The following IGF1R variants were observed in gnomAD, a reference collection of about 807,000 sequenced individuals.
IGF1R encodes the protein insulin like growth factor 1 receptor, also known as insulin-like growth factor 1 receptor.
In IGF1R, 44 loss-of-function variants were observed where a neutral mutation model predicts 144.6. That is an observed-to-expected ratio of 0.30 (90% CI 0.24 to 0.39). The LOEUF is 0.39. Among genes scored for constraint, IGF1R ranks in the 10% least tolerant of loss-of-function variants. IGF1R has a pLI of 1.00. For synonymous variants in IGF1R, 795 were observed against 722.8 expected (o/e 1.10, Z -1.60); for missense variants, 1,355 against 1,833.7 (o/e 0.74, Z 4.77).
At chr15:98,788,060 CTCTGTGTGTGTGTG>C (rs1194548796) in intron 2 of IGF1R, among the ~76,000 whole-genome samples, 2 of 130,630 alleles carry the variant, frequency 1.5e-5, no homozygotes, top group African/African-American at 6.0e-5. Flanking sequence ...CTCTCTCTCT[CTCTGTGTGTGTGTG>C]TGTGTGTGTG....
intron 2 of IGF1R, among the ~76,000 whole-genome samples, chr15:98,760,196 C>G (rs11247368): frequency 0.6 from 90,278 of 149,838 alleles, 28,647 homozygotes; most frequent in Non-Finnish European, 0.7. Flanking sequence ...AAAAAAAATG[C>G]AAAAACTAGC....
intron 2 of IGF1R, among the ~76,000 whole-genome samples, chr15:98,791,707 T>C (rs2056130613): frequency 1.3e-5 from 2 of 152,244 alleles, no homozygotes; most frequent in African/African-American, 4.8e-5. Context: ...TTTTAGTAAA[T>C]AGAGTTATAG....
At chr15:98,765,288 C>A (rs1391588773) in intron 2 of IGF1R, among the ~76,000 whole-genome samples, 5 of 149,748 alleles carry the variant, frequency 3.3e-5, no homozygotes, top group Non-Finnish European at 7.4e-5. Flanking sequence ...CTCTCTCTCA[C>A]CCAATGATCA....
rs535243231 is a variant in IGF1R at position 98,836,091 on chromosome 15, G to A, written c.641-55234G>A. Among the ~76,000 whole-genome samples the A allele has an allele frequency of 7.9e-5, 12 of 152,136 alleles. 1 individual carries two copies. Among genetic ancestry groups the A allele is most frequent in the East Asian group, 7.7e-4 (4 of 5,190 alleles). The stretch of plus-strand genomic sequence containing the variant: ...AGTGGTAGCGACAATTATGAAATTC[G>A]TCCAGTGAGGAAAATCCGCAGAGCT... On this transcript the variant is annotated intron_variant, in intron 2 of 20. Transcript: ENST00000650285.
At position 98,732,612 on chromosome 15, in the gene IGF1R, G is replaced by A. The variant is rs77606773; in HGVS notation, c.640+24505G>A. On this transcript the variant is annotated intron_variant, in intron 2 of 20. Coordinates refer to ENST00000650285, the MANE Select transcript of IGF1R (RefSeq NM_000875.5). ...TTTGGAGATAGATACAGCAAGACTT[G>A]GTGAAGGATGAAGTTGGGGCAGGTA... is the stretch of plus-strand genomic sequence containing the variant. Among the ~76,000 whole-genome samples, 868 of 152,248 alleles carry A rather than the reference G, an allele frequency of 5.7e-3. 5 individuals carry two copies. The highest frequency in any genetic ancestry group is 0.02 in the African/African-American group (820 of 41,542).
At position 98,905,473 on chromosome 15, in the gene IGF1R, T is replaced by C. The variant is rs918050895; in HGVS notation, c.1248-3212T>C. Among the ~76,000 whole-genome samples the C allele has an allele frequency of 1.5e-4, 23 of 151,000 alleles. 2 individuals carry two copies. The highest frequency in any genetic ancestry group is 5.6e-4 in the African/African-American group (23 of 41,030). On this transcript the variant is annotated intron_variant, in intron 5 of 20. Coordinates refer to ENST00000650285, the MANE Select transcript of IGF1R (RefSeq NM_000875.5). ...GAGTTTGAGACCAGCCAGGGCAACA[T>C]AGTGAGATACCAGCTGTTAAAAAAA...
chr15:98,648,647 G>A lies in IGF1R; in HGVS notation c.-935G>A, dbSNP rs919628948. Among the ~76,000 whole-genome samples, 1 of 147,002 alleles carries A rather than the reference G, an allele frequency of 6.8e-6. No homozygotes were observed. Among genetic ancestry groups the A allele is most frequent in the South Asian group, 2.1e-4 (1 of 4,814 alleles). The stretch of plus-strand genomic sequence containing the variant: ...GGAAAAAACCCGAGGAGGAGCGAGC[G>A]CACCAGGCGAACTCGAGAGAGGCGG... On this transcript the variant is annotated 5_prime_UTR_variant, in exon 1 of 21. Coordinates refer to ENST00000650285, the MANE Select transcript of IGF1R (RefSeq NM_000875.5).
intron 2 of IGF1R, among the ~76,000 whole-genome samples, chr15:98,750,304 A>T (rs537960252): frequency 9.9e-5 from 15 of 152,128 alleles, no homozygotes; most frequent in African/African-American, 3.4e-4. Flanking sequence ...GTGCCCTGAG[A>T]CTTTGTGGGT....
chr15:98,878,809 G>A (rs1484483073), intron 2 of IGF1R, among the ~76,000 whole-genome samples: 9 of 151,602 alleles, frequency 5.9e-5, no homozygotes, highest in East Asian at 1.9e-4. Flanking sequence ...TGGCTAACAC[G>A]GTGAAACCAA....
At chr15:98,787,027 T>G (rs561025246) in intron 2 of IGF1R, among the ~76,000 whole-genome samples, 1 of 152,288 alleles carries the variant, frequency 6.6e-6, no homozygotes, top group South Asian at 2.1e-4. Context: ...GCAATGTAGT[T>G]TAAATATCCA....
intron 2 of IGF1R, among the ~76,000 whole-genome samples, chr15:98,834,543 C>T (rs139628660): frequency 6.6e-5 from 10 of 152,310 alleles, no homozygotes; most frequent in Middle Eastern, 3.4e-3. Context: ...CAATAAGGCT[C>T]CATTCTGTTG....
intron 2 of IGF1R, among the ~76,000 whole-genome samples, chr15:98,865,759 A>G (rs11247377): frequency 0.068 from 10,345 of 152,316 alleles, 383 homozygotes; most frequent in Middle Eastern, 0.14. Flanking sequence ...TCACAGCACC[A>G]GTCATGCTGC....
intron 2 of IGF1R, among the ~76,000 whole-genome samples, chr15:98,786,350 G>A (rs1299984276): frequency 2.0e-5 from 3 of 150,244 alleles, no homozygotes; most frequent in Non-Finnish European, 4.4e-5. Flanking sequence ...TCTTTACTCA[G>A]TGGTTTAATT....
chr15:98,853,338 T>C (rs745899574), intron 2 of IGF1R, among the ~76,000 whole-genome samples: 8 of 152,136 alleles, frequency 5.3e-5, no homozygotes, highest in Non-Finnish European at 1.0e-4. Flanking sequence ...GTAGTGGACA[T>C]GAATTATTTG....
At position 98,960,246 on chromosome 15, in the gene IGF1R, C is replaced by T; in HGVS notation, c.*2804C>T. 1 of 233,582 alleles carries T rather than the reference C, an allele frequency of 4.3e-6. No individual in the cohort carries two copies. Among genetic ancestry groups the T allele is most frequent in the Non-Finnish European group, 8.5e-6 (1 of 118,068 alleles). 14.5% of individuals were successfully genotyped at this position (233,582 alleles called of 1,614,324 possible). A position where few individuals can be genotyped will look rare whatever the true frequency, so the allele number is the denominator to read the frequency against. The stretch of plus-strand genomic sequence containing the variant: ...AGCAACACTAACTCACCTCTCTGCT[C>T]ATTTCAGACAGCTTGCCTTTTTCTG... On this transcript the variant is annotated 3_prime_UTR_variant, in exon 21 of 21. Transcript: ENST00000650285.
intron 2 of IGF1R, among the ~76,000 whole-genome samples, chr15:98,832,708 A>G (rs2057023826): frequency 6.6e-6 from 1 of 152,124 alleles, no homozygotes. Context: ...CTCTTTTAAG[A>G]CACAGTTAAT....
intron 2 of IGF1R, among the ~76,000 whole-genome samples, chr15:98,864,358 T>C (rs1047468997): frequency 1.3e-5 from 2 of 152,212 alleles, no homozygotes; most frequent in Non-Finnish European, 2.9e-5. Context: ...AAGAAATCAT[T>C]ATTCAGAATT....
chr15:98,705,504 A>G (rs1343001043), intron 1 of IGF1R, among the ~76,000 whole-genome samples: 1 of 152,186 alleles, frequency 6.6e-6, no homozygotes, highest in Non-Finnish European at 1.5e-5. Flanking sequence ...GGTGTTTGCC[A>G]AGTGCTGGTT....
chr15:98,853,515 T>G (rs774686556), intron 2 of IGF1R, among the ~76,000 whole-genome samples: 2 of 152,238 alleles, frequency 1.3e-5, no homozygotes, highest in Non-Finnish European at 2.9e-5. Context: ...AAGTCGGTAT[T>G]CTAAATGACA....
Sources: allele counts gnomAD v4.1 joint callset (sites outside exome capture counted in the v4.1 genomes callset), GRCh38; gene constraint gnomAD v4.1.1; transcripts MANE v1.5; gene names NCBI Gene and HGNC (gene_info 2026-07-23, HGNC 2026-07-21).